ITGA1: variants seen among roughly 807,000 people sequenced by gnomAD.
The protein encoded by ITGA1 is integrin alpha-1.
A neutral mutation model predicts 145.9 loss-of-function variants in ITGA1; 85 were observed. The ratio of observed to expected loss-of-function variants is 0.58; its 90% CI spans 0.49 to 0.70. The LOEUF is 0.70. ITGA1 is among the 30% of genes least tolerant of loss of function. ITGA1 has a pLI of 0.00. For missense variants in ITGA1, 1,351 were observed against 1,418.7 expected (o/e 0.95, Z 0.77); for synonymous variants, 520 against 495.3 (o/e 1.05, Z -0.66).
intron 1 of ITGA1, chr5:52,800,236 G>T (rs2111660823): frequency 1.5e-6 from 1 of 675,270 alleles, no homozygotes; most frequent in East Asian, 2.7e-5. Flanking sequence ...GCCCTAGGCT[G>T]CATGAGTCGA....
chr5:52,941,404 T>C (rs184008643), intron 26 of ITGA1, among the ~76,000 whole-genome samples: 1 of 152,330 alleles, frequency 6.6e-6, no homozygotes. Flanking sequence ...TGTATAAGCT[T>C]TTCCTTTTCT....
intron 14 of ITGA1, among the ~76,000 whole-genome samples, chr5:52,912,112 T>C (rs1317149490): frequency 7.0e-6 from 1 of 143,230 alleles, no homozygotes; most frequent in Non-Finnish European, 1.5e-5. Flanking sequence ...GCGTATCTAG[T>C]ATATAGATAC....
chr5:52,891,368 A>G (rs1014607023), intron 8 of ITGA1, among the ~76,000 whole-genome samples: 1 of 151,440 alleles, frequency 6.6e-6, no homozygotes, highest in African/African-American at 2.4e-5. Context: ...AATAAATAAA[A>G]CTGTATAGTA....
At chr5:52,811,961 G>A (rs1483957210) in intron 1 of ITGA1, among the ~76,000 whole-genome samples, 1 of 152,160 alleles carries the variant, frequency 6.6e-6, no homozygotes, top group African/African-American at 2.4e-5. Context: ...AGAATATTTG[G>A]GAAAGGAGCC....
chr5:52,870,657 G>T (rs1239773907), intron 6 of ITGA1, among the ~76,000 whole-genome samples: 2 of 152,188 alleles, frequency 1.3e-5, no homozygotes, highest in African/African-American at 4.8e-5. Context: ...CACTGCACTG[G>T]AGTCAGCCTG....
chr5:52,831,745 C>T (rs1020500569), intron 1 of ITGA1, among the ~76,000 whole-genome samples: 10 of 106,804 alleles, frequency 9.4e-5, no homozygotes, highest in African/African-American at 3.6e-4. Context: ...CCCTTAAAGA[C>T]CTTCTACCTT....
intron 1 of ITGA1, among the ~76,000 whole-genome samples, chr5:52,820,989 T>A (rs1430402235): frequency 6.6e-6 from 1 of 152,194 alleles, no homozygotes; most frequent in Non-Finnish European, 1.5e-5. Flanking sequence ...CATGTACTCT[T>A]CAGTATTGAT....
intron 6 of ITGA1, among the ~76,000 whole-genome samples, chr5:52,869,535 G>A (rs933297422): frequency 6.6e-6 from 1 of 152,142 alleles, no homozygotes; most frequent in Non-Finnish European, 1.5e-5. Flanking sequence ...GTGTGCGTGA[G>A]TGTGTGTCTG....
intron 27 of ITGA1, among the ~76,000 whole-genome samples, chr5:52,945,530 G>A (rs1281485396): frequency 6.6e-6 from 1 of 152,156 alleles, no homozygotes; most frequent in African/African-American, 2.4e-5. Context: ...TACAAATTCA[G>A]ACTTGAGTCC....
intron 14 of ITGA1, among the ~76,000 whole-genome samples, chr5:52,914,412 G>A (rs1388341345): frequency 6.6e-6 from 1 of 152,142 alleles, no homozygotes; most frequent in Non-Finnish European, 1.5e-5. Flanking sequence ...GCCGAGGCAG[G>A]CGGATCATGA....
At chr5:52,912,517 TATATAGTGTATCCACTATAG>T in intron 14 of ITGA1, among the ~76,000 whole-genome samples, 1 of 127,090 alleles carries the variant, frequency 7.9e-6, no homozygotes, top group East Asian at 2.2e-4. Context: ...ATAGGTATTA[TATATAGTGTATCCACTATAG>T]GTATTATATA....
At chr5:52,927,492 T>C (rs762065457) in intron 19 of ITGA1, 92 bp from the exon 20 acceptor site, 1 of 787,236 alleles carries the variant, frequency 1.3e-6, no homozygotes, top group South Asian at 1.9e-5. Flanking sequence ...GGCAAGGCAG[T>C]CACCAAGACA....
chr5:52,865,861 A>C, intron 6 of ITGA1, 44 bp downstream of exon 6: 1 of 1,480,364 alleles, frequency 6.8e-7, no homozygotes, highest in Non-Finnish European at 9.0e-7. Flanking sequence ...TAAAGATAAA[A>C]ATGCACAAAT....
rs974897300 is a variant in ITGA1, at chr5:52,882,025, T to C, written c.773+4T>C. 6.4e-7 allele frequency: 1 copy of C among 1,567,844 alleles called. No individual in the cohort carries two copies. Among genetic ancestry groups the C allele is most frequent in the Non-Finnish European group, 8.6e-7 (1 of 1,156,950 alleles). The stretch of plus-strand genomic sequence containing the variant: ...CTCTTGGAATAGACACAGCAAGGTA[T>C]ATGGATAAAAAAATAAACTAAAGTA... On this transcript the variant is annotated splice_donor_region_variant and intron_variant, in intron 7 of 28. Transcript: ENST00000282588.
At chr5:52,891,472 T>C (rs951626982) in intron 8 of ITGA1, among the ~76,000 whole-genome samples, 3 of 151,138 alleles carry the variant, frequency 2.0e-5, no homozygotes, top group Admixed American at 6.6e-5. Flanking sequence ...ATCTATTTTA[T>C]AGACCACAAT....
At chr5:52,801,436 TC>T in intron 1 of ITGA1, 1 of 1,613,932 alleles carries the variant, frequency 6.2e-7, no homozygotes, top group Non-Finnish European at 8.5e-7. Context: ...ACACAAGTAC[TC>T]CCTGAAAGAG....
intron 3 of ITGA1, 138 bp downstream of exon 3, chr5:52,861,697 C>T (rs1749607161): frequency 1.6e-6 from 1 of 614,076 alleles, no homozygotes; most frequent in Non-Finnish European, 2.9e-6. Context: ...CTGACGAAAC[C>T]TCATCTCTAC....
At chr5:52,839,685 C>A (rs1165650812) in intron 1 of ITGA1, among the ~76,000 whole-genome samples, 1 of 152,078 alleles carries the variant, frequency 6.6e-6, no homozygotes, top group African/African-American at 2.4e-5. Context: ...CATTGCCAAT[C>A]CTATGGTTAT....
intron 6 of ITGA1, among the ~76,000 whole-genome samples, chr5:52,868,453 G>A (rs1442616698): frequency 2.6e-5 from 4 of 152,110 alleles, no homozygotes; most frequent in Admixed American, 6.5e-5. Context: ...CTGCAATTTC[G>A]ATGTTTTTCA....
Sources: allele counts gnomAD v4.1 joint callset (sites outside exome capture counted in the v4.1 genomes callset), GRCh38; gene constraint gnomAD v4.1.1; transcripts MANE v1.5; gene names NCBI Gene and HGNC (gene_info 2026-07-23, HGNC 2026-07-21).